Variants in CACNA1C observed in about 807,000 individuals in gnomAD.
The protein encoded by CACNA1C is calcium voltage-gated channel subunit alpha1 C, also known as voltage-dependent L-type calcium channel subunit alpha-1C.
A neutral mutation model predicts 229.0 loss-of-function variants in CACNA1C; 30 were observed. That is an observed-to-expected ratio of 0.13 (90% CI 0.10 to 0.18). The LOEUF (loss-of-function observed/expected upper bound fraction) is 0.18. Ranked by LOEUF, CACNA1C falls within the 10% of genes least tolerant of loss-of-function variation. The pLI is 1.00. For synonymous variants in CACNA1C, 1,114 were observed against 1,132.5 expected, an observed-to-expected ratio of 0.98 and a Z score of 0.33; for missense variants, 1,658 against 2,845.0, an observed-to-expected ratio of 0.58 and a Z score of 9.49.
chr12:2,083,412 C>T (rs1176201584), intron 1 of CACNA1C, among the ~76,000 whole-genome samples: 2 of 152,232 alleles, frequency 1.3e-5, no homozygotes, highest in African/African-American at 2.4e-5. Flanking sequence ...CATTTCGACT[C>T]TCCCAGGGGT....
intron 3 of CACNA1C, among the ~76,000 whole-genome samples, chr12:2,367,468 TTAAC>T (rs1203613431): frequency 6.6e-6 from 1 of 152,186 alleles, no homozygotes; most frequent in East Asian, 1.9e-4. Flanking sequence ...GGTTGAACGT[TTAAC>T]TATGCTAAAA....
Position 2,135,633 on chromosome 12 carries a change from A to G in CACNA1C, c.477+15203A>G, listed in dbSNP as rs1254229453. ...TTAGGCTGCTCAGGGGTCAGGGGTCAGGGACCCACTTGAAGAGGCAGTCTG... is the reference window on the plus strand; with the variant it reads ...TTAGGCTGCTCAGGGGTCAGGGGTCGGGGACCCACTTGAAGAGGCAGTCTG... On this transcript the variant is annotated intron_variant, in intron 3 of 46. Transcript: ENST00000399655. Among the ~76,000 whole-genome samples, 3 of 141,102 alleles carry G rather than the reference A, an allele frequency of 2.1e-5. 1 individual carries two copies. Among genetic ancestry groups the G allele is most frequent in the African/African-American group, 8.9e-5 (3 of 33,620 alleles). 92.6% of individuals were successfully genotyped at this position (141,102 alleles called of 152,430 possible).
At chr12:2,521,536 G>A (rs759079173) in intron 9 of CACNA1C, among the ~76,000 whole-genome samples, 1 of 152,122 alleles carries the variant, frequency 6.6e-6, no homozygotes, top group Non-Finnish European at 1.5e-5. Flanking sequence ...CTGCCTGCCC[G>A]CCAGGGTCCC....
chr12:2,565,481 A>G (rs1467385650), intron 11 of CACNA1C, among the ~76,000 whole-genome samples: 1 of 150,678 alleles, frequency 6.6e-6, no homozygotes, highest in Non-Finnish European at 1.5e-5. Flanking sequence ...CTCAGAAAAA[A>G]AAAAAAAAAA....
In CACNA1C at chr12:2,108,754, CCT is replaced by C. The variant is rs2154123305; in HGVS notation, c.50-6465_50-6464del. On this transcript the variant is annotated intron_variant, in intron 1 of 46. Coordinates refer to ENST00000399655, the MANE Select transcript of CACNA1C (RefSeq NM_000719.7). This position sits in a 1 kb window ranked among gnomAD's most constrained non-coding sequence, Gnocchi z 5.3. ...ATCGTCTGAGATCGAGAGACGGTGT[CCT>C]CTCTGTTCACGTCCTCCAGCTATCT... Among the ~76,000 whole-genome samples, 1 of 152,292 alleles carries C rather than the reference CCT, an allele frequency of 6.6e-6. No individual in the cohort carries two copies. The highest frequency in any genetic ancestry group is 2.4e-5 in the African/African-American group (1 of 41,570).
chr12:2,233,166 G>A (rs922302682), intron 3 of CACNA1C, among the ~76,000 whole-genome samples: 14 of 152,138 alleles, frequency 9.2e-5, no homozygotes, highest in Admixed American at 3.9e-4. Context: ...TCACATTTTG[G>A]TGCTAGCTTC....
chr12:2,670,686 T>C (rs183826850), intron 38 of CACNA1C, among the ~76,000 whole-genome samples: 114 of 151,794 alleles, frequency 7.5e-4, no homozygotes, highest in African/African-American at 2.7e-3. Flanking sequence ...TGGTGAAACC[T>C]CGTCTCTACT....
intron 15 of CACNA1C, among the ~76,000 whole-genome samples, chr12:2,583,407 T>C (rs1427498653): frequency 6.6e-6 from 1 of 152,220 alleles, no homozygotes; most frequent in African/African-American, 2.4e-5. Flanking sequence ...TCCAGGACTT[T>C]AGTCACGGGC....
At chr12:2,233,309 A>G (rs2066030709) in intron 3 of CACNA1C, among the ~76,000 whole-genome samples, 1 of 152,212 alleles carries the variant, frequency 6.6e-6, no homozygotes, top group South Asian at 2.1e-4. Flanking sequence ...TAAAGTTATG[A>G]ATCAGTGTTA....
intron 3 of CACNA1C, among the ~76,000 whole-genome samples, chr12:2,440,914 T>G (rs2099218355): frequency 6.6e-6 from 1 of 152,164 alleles, no homozygotes; most frequent in African/African-American, 2.4e-5. Flanking sequence ...ATTTGTGGCG[T>G]GCTGGATGAA....
At chr12:2,019,133 G>A (rs1032356622) in intron 1 of CACNA1C, among the ~76,000 whole-genome samples, 3 of 152,094 alleles carry the variant, frequency 2.0e-5, no homozygotes, top group Non-Finnish European at 2.9e-5. Flanking sequence ...GCAGGGCAAA[G>A]GGAAAAACAG....
chr12:2,570,991 C>T (rs957213449), intron 13 of CACNA1C, among the ~76,000 whole-genome samples: 1 of 152,166 alleles, frequency 6.6e-6, no homozygotes, highest in African/African-American at 2.4e-5. Context: ...GGTAGAAATC[C>T]TTATATCAGC....
Position 2,488,586 on chromosome 12 carries a change from C to T in CACNA1C, c.916+2324C>T, listed in dbSNP as rs2099705900. On this transcript the variant is annotated intron_variant, in intron 6 of 46. Transcript: ENST00000399655. The surrounding 1 kb of genome is among the most constrained non-coding windows in gnomAD (Gnocchi z 4.0). ...TGAGAAGTTGCCTCCTACCAAGAGACTCATCAGATTGTTTATGTGATGGGT... is the reference window on the plus strand; with the variant it reads ...TGAGAAGTTGCCTCCTACCAAGAGATTCATCAGATTGTTTATGTGATGGGT... Among the ~76,000 whole-genome samples, 1 of 152,194 alleles carries T rather than the reference C, an allele frequency of 6.6e-6. No homozygotes were observed. Among genetic ancestry groups the T allele is most frequent in the Non-Finnish European group, 1.5e-5 (1 of 68,034 alleles).
Position 2,348,544 on chromosome 12 carries a change from G to A in CACNA1C, c.478-100432G>A, listed in dbSNP as rs1336987097. Among the ~76,000 whole-genome samples the A allele has an allele frequency of 6.6e-6, 1 of 152,220 alleles. No homozygotes were observed. Among genetic ancestry groups the A allele is most frequent in the African/African-American group, 2.4e-5 (1 of 41,464 alleles). The stretch of plus-strand genomic sequence containing the variant: ...GAGGGAATGGGCTCATACGCCGGGT[G>A]GGCAAGGATTTCAAGTCGTCGGCAC... On this transcript the variant is annotated intron_variant, in intron 3 of 46. Transcript: ENST00000399655. The surrounding 1 kb of genome is among the most constrained non-coding windows in gnomAD (Gnocchi z 4.7).
intron 37 of CACNA1C, among the ~76,000 whole-genome samples, chr12:2,667,513 C>A (rs1394519477): frequency 6.6e-6 from 1 of 152,166 alleles, no homozygotes; most frequent in African/African-American, 2.4e-5. Context: ...TCATTTGTGC[C>A]TCCACTTTGC....
At chr12:2,162,263 C>T (rs1348386863) in intron 3 of CACNA1C, among the ~76,000 whole-genome samples, 1 of 151,914 alleles carries the variant, frequency 6.6e-6, no homozygotes, top group East Asian at 2.0e-4. Flanking sequence ...CACCCCCTCC[C>T]ATTCGAGGCC....
In CACNA1C at chr12:2,608,545, G is replaced by A. The variant is rs776318939; in HGVS notation, c.3391G>A (p.Asp1131Asn). 5.6e-6 allele frequency: 9 copies of A among 1,613,138 alleles called. No individual in the cohort carries two copies. In the Admixed American group the frequency reaches 1.3e-4, roughly 24 times the overall value. The change falls in exon 27 of 47, where the codon GAC (aspartate) becomes AAC (asparagine). Residue 1131 changes from aspartate (D) to asparagine (N), a missense_variant. Asp to Asn is a conservative substitution (Grantham distance 23). Coordinates refer to ENST00000399655, the MANE Select transcript of CACNA1C (RefSeq NM_000719.7). The surrounding 1 kb of genome is among the most constrained non-coding windows in gnomAD (Gnocchi z 4.2). ...CCGCTCCATCGACTCCCACACGGAA[G>A]ACAAGGGCCCCATCTACAACTACCG... Reference protein sequence around the residue: ...LYRSIDSHTEDKGPIYNYRVE... With the variant: ...LYRSIDSHTENKGPIYNYRVE...
At chr12:2,019,238 G>T (rs772601377) in intron 1 of CACNA1C, among the ~76,000 whole-genome samples, 61 of 152,120 alleles carry the variant, frequency 4.0e-4, no homozygotes, top group South Asian at 8.3e-4. Flanking sequence ...GAGGTGGGAG[G>T]ATCATTTGAG....
intron 3 of CACNA1C, among the ~76,000 whole-genome samples, chr12:2,142,254 C>T (rs935641791): frequency 4.6e-5 from 7 of 151,128 alleles, no homozygotes; most frequent in Non-Finnish European, 1.0e-4. Flanking sequence ...AGCACATGTA[C>T]GATGGTAGTC....
Sources: allele counts gnomAD v4.1 joint callset (sites outside exome capture counted in the v4.1 genomes callset), GRCh38; gene constraint gnomAD v4.1.1; non-coding constraint Gnocchi (gnomAD v3.1); transcripts MANE v1.5; gene names NCBI Gene and HGNC (gene_info 2026-07-23, HGNC 2026-07-21).